The following ADAMTS7 variants were observed in gnomAD, a reference collection of about 807,000 sequenced individuals.
The protein encoded by ADAMTS7 is ADAM metallopeptidase with thrombospondin type 1 motif 7.
A neutral mutation model predicts 172.6 loss-of-function variants in ADAMTS7; 89 were observed. The observed-to-expected ratio is 0.52, with a 90% CI of 0.43 to 0.61. The LOEUF is 0.61. Among genes scored for constraint, ADAMTS7 ranks in the 20% least tolerant of loss-of-function variants. The pLI is 0.00. For synonymous variants in ADAMTS7, 885 were observed against 978.4 expected, an observed-to-expected ratio of 0.90 and a Z score of 1.78; for missense variants, 1,973 against 2,355.6, an observed-to-expected ratio of 0.84 and a Z score of 3.36.
intron 8 of ADAMTS7, among the ~76,000 whole-genome samples, chr15:78,780,351 A>T (rs1482389139): frequency 1.3e-5 from 2 of 152,134 alleles, no homozygotes; most frequent in East Asian, 3.9e-4. Flanking sequence ...GCTGCCTGCC[A>T]CTGACAGGAG....
At chr15:78,779,582 C>T (rs567083893) in intron 8 of ADAMTS7, among the ~76,000 whole-genome samples, 2 of 152,076 alleles carry the variant, frequency 1.3e-5, no homozygotes, top group Non-Finnish European at 2.9e-5. Flanking sequence ...AGTGCTCCTG[C>T]GGCTTGGGGC....
rs753597869 is a variant in ADAMTS7, at chr15:78,796,626, C to A, written c.783G>T (p.Pro261=). 1.2e-6 allele frequency: 2 copies of A among 1,613,954 alleles called. No homozygotes were observed. The highest frequency in any genetic ancestry group is 2.2e-5 in the East Asian group (1 of 44,880). ...TGGTCAGCACATAGCTCTCAACCTGCGGCTGTCCGTGGTACTCCACCATTT... is the reference window on the plus strand; with the variant it reads ...TGGTCAGCACATAGCTCTCAACCTGAGGCTGTCCGTGGTACTCCACCATTT... ...DAKMVEYHGQ[P]QVESYVLTIM... The change falls in exon 4 of 24, where the codon CCG becomes CCT. Residue 261 remains proline (P), a synonymous_variant. Transcript: ENST00000388820.
chr15:78,777,185 G>A, intron 9 of ADAMTS7: 1 of 584,678 alleles, frequency 1.7e-6, no homozygotes, highest in Non-Finnish European at 3.0e-6. Context: ...CCTCTTATAA[G>A]CCAGCTCCAG....
At position 78,772,354 on chromosome 15, in the gene ADAMTS7, T is replaced by C. The variant is rs188113748; in HGVS notation, c.2132-525A>G. ...ATAGTAACGTACATGAACATCCTGC[T>C]GCGGTATGAGCAGCCTCCATGGCCA... On this transcript the variant is annotated intron_variant, in intron 14 of 23. Coordinates refer to ENST00000388820, the MANE Select transcript of ADAMTS7 (RefSeq NM_014272.5). Among the ~76,000 whole-genome samples the C allele has an allele frequency of 1.8e-3, 269 of 152,348 alleles. 3 individuals carry two copies. Among genetic ancestry groups the C allele is most frequent in the Middle Eastern group, 0.014 (4 of 294 alleles).
Position 78,796,564 on chromosome 15 carries a change from C to T in ADAMTS7, c.819+26G>A, listed in dbSNP as rs772215069. The T allele has an allele frequency of 1.3e-5, 21 of 1,594,864 alleles. No homozygotes were observed. In the Admixed American group the frequency reaches 3.4e-4, roughly 26 times the overall value. On this transcript the variant is annotated intron_variant, in intron 4 of 23. Transcript: ENST00000388820. ...CCACCCCCCAACACCATCCCCGCCACCCGCTCCTGGCCCACACAGACTCAC... is the reference window on the plus strand; with the variant it reads ...CCACCCCCCAACACCATCCCCGCCATCCGCTCCTGGCCCACACAGACTCAC...
chr15:78,787,362 A>C (rs1431787761), intron 8 of ADAMTS7, among the ~76,000 whole-genome samples: 3 of 151,372 alleles, frequency 2.0e-5, no homozygotes, highest in Non-Finnish European at 4.4e-5. Context: ...AAAAAAAACA[A>C]AAAAACACCA....
chr15:78,778,379 C>T (rs2055383447), intron 8 of ADAMTS7, among the ~76,000 whole-genome samples: 1 of 152,240 alleles, frequency 6.6e-6, no homozygotes, highest in Non-Finnish European at 1.5e-5. Context: ...GCCCCTGCCT[C>T]ACTCTGTACA....
At chr15:78,777,186 C>T in intron 9 of ADAMTS7, 1 of 586,066 alleles carries the variant, frequency 1.7e-6, no homozygotes, top group South Asian at 2.1e-5. Flanking sequence ...CTCTTATAAG[C>T]CAGCTCCAGA....
Position 78,766,044 on chromosome 15 carries a change from C to T in ADAMTS7, c.3867G>A (p.Val1289=). 6.2e-7 allele frequency: 1 copy of T among 1,605,386 alleles called. No individual in the cohort carries two copies. The highest frequency in any genetic ancestry group is 8.5e-7 in the Non-Finnish European group (1 of 1,179,946). The change falls in exon 19 of 24, where the codon GTG becomes GTA. Residue 1289 remains valine (V), a synonymous_variant. Transcript: ENST00000388820. The part of the protein sequence containing the change: ...VDSELWPTVG[V]ASLLPPPIAP... ...CTATGGGAGGAGGAAGGAGAGAAGC[C>T]ACCCCAACAGTGGGCCACAGTTCAC... is the stretch of plus-strand genomic sequence containing the variant.
At chr15:78,767,256 G>C in intron 18 of ADAMTS7, 123 bp downstream of exon 18, 1 of 1,316,196 alleles carries the variant, frequency 7.6e-7, no homozygotes, top group Non-Finnish European at 1.1e-6. Context: ...AGAGTCAGGG[G>C]CTGGACCCTG....
chr15:78,791,232 G>C lies in ADAMTS7; in HGVS notation c.820-9C>G. On this transcript the variant is annotated splice_polypyrimidine_tract_variant and intron_variant, in intron 4 of 23. Coordinates refer to ENST00000388820, the MANE Select transcript of ADAMTS7 (RefSeq NM_014272.5). The stretch of plus-strand genomic sequence containing the variant: ...TGAAACAGGCCAGCCACCTGCCCAA[G>C]AGATGGGGGGGTCAGGTTGTCACGA... The C allele has an allele frequency of 1.9e-6, 3 of 1,611,108 alleles. No individual in the cohort carries two copies. Among genetic ancestry groups the C allele is most frequent in the Non-Finnish European group, 1.7e-6 (2 of 1,178,612 alleles).
At chr15:78,764,898 T>G in intron 19 of ADAMTS7, 191 bp from the exon 20 acceptor site, 1 of 561,374 alleles carries the variant, frequency 1.8e-6, no homozygotes, top group Non-Finnish European at 3.0e-6. Context: ...AAAAGTCAAA[T>G]CCCCTCAGCA....
chr15:78,769,474 G>C (rs1257075692), intron 16 of ADAMTS7, among the ~76,000 whole-genome samples: 1 of 152,212 alleles, frequency 6.6e-6, no homozygotes, highest in East Asian at 1.9e-4. Flanking sequence ...AACTAGGGGG[G>C]TCTGGGACAC....
chr15:78,781,617 T>TTGTC lies in ADAMTS7; in HGVS notation c.1323-4033_1323-4030dup, dbSNP rs537314827. Reference sequence around the variant, plus strand: ...CCAGCAGCTGAATGAGGACAGAGACTTGTCTGTCTGTCTGTCTGTCCTAGA... The same window carrying TTGTC: ...CCAGCAGCTGAATGAGGACAGAGACTTGTCTGTCTGTCTGTCTGTCTGTCCTAGA... On this transcript the variant is annotated intron_variant, in intron 8 of 23. Coordinates refer to ENST00000388820, the MANE Select transcript of ADAMTS7 (RefSeq NM_014272.5). Among the ~76,000 whole-genome samples, 454 of 152,250 alleles carry TTGTC rather than the reference T, an allele frequency of 3.0e-3. 1 individual carries two copies. The highest frequency in any genetic ancestry group is 0.01 in the African/African-American group (426 of 41,538).
chr15:78,804,459 A>G (rs2055763536), intron 1 of ADAMTS7, among the ~76,000 whole-genome samples: 1 of 152,086 alleles, frequency 6.6e-6, no homozygotes, highest in African/African-American at 2.4e-5. Context: ...CTGGCTGTTC[A>G]CGACAATAGA....
At chr15:78,787,356 A>AC (rs1366724513) in intron 8 of ADAMTS7, among the ~76,000 whole-genome samples, 1 of 151,144 alleles carries the variant, frequency 6.6e-6, no homozygotes, top group East Asian at 1.9e-4. Flanking sequence ...TGAAAAAAAA[A>AC]AAACAAAAAA....
At chr15:78,790,472 G>A (rs559906849) in intron 6 of ADAMTS7, among the ~76,000 whole-genome samples, 198 bp downstream of exon 6, 5 of 152,256 alleles carry the variant, frequency 3.3e-5, no homozygotes, top group Admixed American at 6.5e-5. Flanking sequence ...TGATAACAGC[G>A]AGAAAATCCA....
chr15:78,809,403 T>C lies in ADAMTS7; in HGVS notation c.100+1718A>G, dbSNP rs116418299. 5.5e-3 allele frequency among the ~76,000 whole-genome samples: 842 copies of C among 152,184 alleles called. 12 individuals are homozygous for C. The highest frequency in any genetic ancestry group is 0.019 in the African/African-American group (775 of 41,538). ...GGAAGGACCCCATGCTCTATATCTATGGGAACACTAGAGACAGACTTCACC... is the reference window on the plus strand; with the variant it reads ...GGAAGGACCCCATGCTCTATATCTACGGGAACACTAGAGACAGACTTCACC... On this transcript the variant is annotated intron_variant, in intron 1 of 23. Coordinates refer to ENST00000388820, the MANE Select transcript of ADAMTS7 (RefSeq NM_014272.5).
rs902051806 is a variant in ADAMTS7, at chr15:78,798,007, G to A, written c.563C>T (p.Ala188Val). 12 of 1,586,768 alleles carry A rather than the reference G, an allele frequency of 7.6e-6. No individual in the cohort carries two copies. Among genetic ancestry groups the A allele is most frequent in the Non-Finnish European group, 1.0e-5 (12 of 1,169,706 alleles). ...AQPHVVYKRQ[A>V]PERLAQRGDS... ...ACCCCGCTGTGCCAGCCTCTCCGGG[G>A]CCTGACGCTTGTACACCACATGGGG... is the stretch of plus-strand genomic sequence containing the variant. Residue 188 changes from alanine (A) to valine (V), a missense_variant, in exon 3 of 24, where the codon GCC (alanine) becomes GTC (valine). Transcript: ENST00000388820.
Sources: allele counts gnomAD v4.1 joint callset (sites outside exome capture counted in the v4.1 genomes callset), GRCh38; gene constraint gnomAD v4.1.1; transcripts MANE v1.5; gene names NCBI Gene and HGNC (gene_info 2026-07-23, HGNC 2026-07-21).